ROBO2: variants seen among roughly 807,000 people sequenced by gnomAD.
ROBO2 encodes roundabout homolog 2.
Under a neutral mutation model 160.8 loss-of-function variants are expected in ROBO2, and 53 were observed. The observed-to-expected ratio is 0.33, with a 90% CI of 0.26 to 0.41. The LOEUF (loss-of-function observed/expected upper bound fraction) is 0.41. Ranked by LOEUF, ROBO2 falls within the 10% of genes least tolerant of loss-of-function variation. The probability of loss-of-function intolerance (pLI) is 1.00; values close to 1 mark genes in which losing one functional copy is unlikely to be tolerated. For synonymous variants in ROBO2, 664 were observed against 611.7 expected, an observed-to-expected ratio of 1.09 and a Z score of -1.26; for missense variants, 1,577 against 1,722.4, an observed-to-expected ratio of 0.92 and a Z score of 1.49.
At chr3:77,646,108 C>G in exon 26 of ROBO2, 1 of 1,459,288 alleles carries the variant, frequency 6.9e-7, no homozygotes, top group African/African-American at 1.4e-5. Context: ...GGTCCGGACT[C>G]ATGGAAGTGA....
intron 2 of ROBO2, among the ~76,000 whole-genome samples, chr3:77,025,967 T>A (rs2062938636): frequency 6.6e-6 from 1 of 152,200 alleles, no homozygotes; most frequent in Non-Finnish European, 1.5e-5. Flanking sequence ...TTTTAGAAAT[T>A]GCATTCATTA....
chr3:77,271,224 C>T (rs1486569319), intron 2 of ROBO2, among the ~76,000 whole-genome samples: 1 of 152,086 alleles, frequency 6.6e-6, no homozygotes, highest in East Asian at 1.9e-4. Flanking sequence ...TCTCCTCTGC[C>T]TTGAAGAACT....
intron 1 of ROBO2, among the ~76,000 whole-genome samples, chr3:77,086,030 C>G (rs1029506272): frequency 6.6e-6 from 1 of 152,026 alleles, no homozygotes; most frequent in African/African-American, 2.4e-5. Flanking sequence ...ATGCATTAAT[C>G]ATGGAGTCAT....
chr3:77,380,483 G>T (rs2073295473), intron 2 of ROBO2, among the ~76,000 whole-genome samples: 2 of 152,090 alleles, frequency 1.3e-5, no homozygotes, highest in Admixed American at 1.3e-4. Flanking sequence ...TATGCAAAGA[G>T]AAATAACTAT....
At chr3:76,180,407 C>T (rs554523888) in intron 2 of ROBO2, among the ~76,000 whole-genome samples, 10 of 152,256 alleles carry the variant, frequency 6.6e-5, no homozygotes, top group African/African-American at 2.4e-4. Context: ...AAAGGAGTCT[C>T]ACATAAAATA....
intron 1 of ROBO2, among the ~76,000 whole-genome samples, chr3:75,934,120 G>C (rs1266016848): frequency 8.5e-5 from 13 of 152,166 alleles, no homozygotes; most frequent in Admixed American, 7.9e-4. Context: ...TTTGCCTTGT[G>C]ACCTTAAACA....
At chr3:77,426,505 T>C (rs531535270) in intron 2 of ROBO2, among the ~76,000 whole-genome samples, 1 of 151,844 alleles carries the variant, frequency 6.6e-6, no homozygotes, top group Admixed American at 6.6e-5. Context: ...ATATAGATAA[T>C]TGAAGGTATA....
At chr3:77,131,776 T>C (rs1234856875) in intron 2 of ROBO2, among the ~76,000 whole-genome samples, 2 of 152,178 alleles carry the variant, frequency 1.3e-5, no homozygotes, top group Non-Finnish European at 2.9e-5. Flanking sequence ...CTCCATTCTC[T>C]TTTTATAATT....
In ROBO2 at chr3:75,937,539, G is replaced by C. The variant is rs1248777820; in HGVS notation, c.46G>C (p.Ala16Pro). The change falls in exon 2 of 27, where the codon GCT becomes CCT. Residue 16 changes from alanine (A) to proline (P), a missense_variant. Physicochemically the swap from Ala to Pro is conservative, Grantham distance 27. Transcript: ENST00000487694. Reference sequence around the variant, plus strand: ...TGTCACTAGAAGGATGTGGACATGGGCTCCGGGACTGTTGATGATGACTGT... The same window carrying C: ...TGTCACTAGAAGGATGTGGACATGGCCTCCGGGACTGTTGATGATGACTGT... The C allele has an allele frequency of 1.1e-5, 18 of 1,578,074 alleles. 1 individual carries two copies. The highest frequency in any genetic ancestry group is 1.7e-5 in the Admixed American group (1 of 58,016).
chr3:76,062,950 A>G (rs1405660307), intron 2 of ROBO2, among the ~76,000 whole-genome samples: 2 of 152,166 alleles, frequency 1.3e-5, no homozygotes, highest in Non-Finnish European at 2.9e-5. Flanking sequence ...ATATTTGTCT[A>G]TGTCATATTT....
In ROBO2 at chr3:77,298,612, A is replaced by G. The variant is rs76712265; in HGVS notation, c.389-178802A>G. On this transcript the variant is annotated intron_variant, in intron 2 of 25. Transcript: ENST00000461745. ...ATTAAGGGTTATTTGTTGCTGGGAA[A>G]GTACACTGTTGTAATAGCTGCACTG... 4.9e-3 allele frequency among the ~76,000 whole-genome samples: 751 copies of G among 152,320 alleles called. 5 individuals are homozygous for G. The highest frequency in any genetic ancestry group is 0.017 in the African/African-American group (720 of 41,576).
At chr3:76,729,434 A>AAC (rs1337361769) in intron 2 of ROBO2, among the ~76,000 whole-genome samples, 3 of 152,120 alleles carry the variant, frequency 2.0e-5, no homozygotes, top group African/African-American at 7.2e-5. Context: ...TCACTTTGCA[A>AAC]ACCTATGGCA....
chr3:77,484,816 T>C (rs973450257), intron 4 of ROBO2, among the ~76,000 whole-genome samples: 2 of 152,066 alleles, frequency 1.3e-5, no homozygotes, highest in African/African-American at 4.8e-5. Flanking sequence ...GTCATGTCAA[T>C]ATTATTGACT....
At chr3:76,568,544 G>A (rs1221920719) in intron 2 of ROBO2, among the ~76,000 whole-genome samples, 2 of 151,406 alleles carry the variant, frequency 1.3e-5, no homozygotes, top group East Asian at 3.9e-4. Context: ...CTGACCTCGT[G>A]ATCCACCCGC....
chr3:76,398,021 T>G lies in ROBO2; in HGVS notation c.109+460419T>G, dbSNP rs550962249. On this transcript the variant is annotated intron_variant, in intron 2 of 26. Transcript: ENST00000487694. ...AATCATGCTGCCATAAAGACACATG[T>G]ACACGTATGTTTATTGTGGCACTAT... is the stretch of plus-strand genomic sequence containing the variant. 4.4e-3 allele frequency among the ~76,000 whole-genome samples: 664 copies of G among 152,098 alleles called. 1 individual carries two copies. Among genetic ancestry groups the G allele is most frequent in the Non-Finnish European group, 6.7e-3 (458 of 67,954 alleles).
Position 77,040,204 on chromosome 3 carries a change from C to A in ROBO2, c.-582C>A. The A allele has an allele frequency of 6.1e-6, 6 of 986,610 alleles. No individual in the cohort carries two copies. The South Asian group carries it at 2.3e-4, about 38-fold the overall frequency. 61.1% of individuals were successfully genotyped at this position (986,610 alleles called of 1,614,324 possible). A position where few individuals can be genotyped will look rare whatever the true frequency, so the allele number is the denominator to read the frequency against. ...GCAACACCGCTGCAAAGGAGAGGCC[C>A]GCCAAGTCTGCCCGCCTGCAAAGTG... On this transcript the variant is annotated 5_prime_UTR_variant, in exon 1 of 26. Coordinates refer to ENST00000461745, the Ensembl canonical transcript of ROBO2.
chr3:77,546,957 G>T (rs2092720802), intron 7 of ROBO2, among the ~76,000 whole-genome samples: 2 of 152,030 alleles, frequency 1.3e-5, no homozygotes, highest in Admixed American at 6.6e-5. Context: ...TTCCATTTAA[G>T]AGTAGGATAA....
chr3:77,026,607 A>G (rs1434010334), intron 2 of ROBO2, among the ~76,000 whole-genome samples: 1 of 152,218 alleles, frequency 6.6e-6, no homozygotes, highest in Non-Finnish European at 1.5e-5. Flanking sequence ...CGAGAGGTGA[A>G]ATCCTTCGAA....
intron 2 of ROBO2, 63 bp from the exon 3 acceptor site, chr3:77,477,351 G>A: frequency 6.5e-7 from 1 of 1,548,858 alleles, no homozygotes; most frequent in Non-Finnish European, 8.9e-7. Context: ...AAGTTACCTT[G>A]TACAACAAAA....
Sources: allele counts gnomAD v4.1 joint callset (sites outside exome capture counted in the v4.1 genomes callset), GRCh38; gene constraint gnomAD v4.1.1; transcripts MANE v1.5; gene names NCBI Gene and HGNC (gene_info 2026-07-23, HGNC 2026-07-21).